Variants in CD58 observed in about 807,000 individuals in gnomAD.
The protein encoded by CD58 is lymphocyte function-associated antigen 3.
In CD58, 14 loss-of-function variants were observed where a neutral mutation model predicts 27.6. The observed-to-expected ratio is 0.51, with a 90% CI of 0.34 to 0.79. CD58 has a LOEUF of 0.79. Among genes scored for constraint, CD58 ranks in the 30% least tolerant of loss-of-function variants. CD58 has a pLI of 0.02. For missense variants in CD58, 268 were observed against 301.7 expected, an observed-to-expected ratio of 0.89 and a Z score of 0.83; for synonymous variants, 117 against 103.8, an observed-to-expected ratio of 1.13 and a Z score of -0.77.
chr1:116,551,502 G>C (rs781383763), intron 1 of CD58, among the ~76,000 whole-genome samples: 2 of 152,184 alleles, frequency 1.3e-5, no homozygotes, highest in East Asian at 3.9e-4. Context: ...TTAGGGTCTT[G>C]CTCTGGATTA....
At chr1:116,518,797 G>A in intron 5 of CD58, 4 of 1,011,576 alleles carry the variant, frequency 4.0e-6, no homozygotes, top group Non-Finnish European at 4.7e-6. Context: ...CTCCTGAAGT[G>A]AACCCTATCC....
chr1:116,514,815 A>G lies in CD58; in HGVS notation c.751T>C (p.Ter251ArgextTer15). 1 of 1,553,162 alleles carries G rather than the reference A, an allele frequency of 6.4e-7. No homozygotes were observed. The highest frequency in any genetic ancestry group is 1.1e-5 in the South Asian group (1 of 87,558). ...DRKPDRTNSN* is the reference protein window; with the variant it reads ...DRKPDRTNSNR ...TTGTCTTCATCTTCTGTTACCAATC[A>G]ATTGGAGCTACAAAAAAAAATCATA... The change falls in exon 6 of 6, where the codon TGA becomes CGA. Residue 251 changes from the stop codon to arginine, a stop_lost. Coordinates refer to ENST00000369489, the MANE Select transcript of CD58 (RefSeq NM_001779.3).
At chr1:116,568,580 A>G (rs1659024066) in intron 1 of CD58, among the ~76,000 whole-genome samples, 1 of 152,216 alleles carries the variant, frequency 6.6e-6, no homozygotes, top group South Asian at 2.1e-4. Context: ...CTCCCTCACT[A>G]TAAGGTGAGC....
At chr1:116,568,820 T>C (rs770180330) in intron 1 of CD58, among the ~76,000 whole-genome samples, 12 of 152,164 alleles carry the variant, frequency 7.9e-5, no homozygotes, top group African/African-American at 1.2e-4. Flanking sequence ...ATGACTCAGG[T>C]GAGGAGTGGG....
In CD58 at chr1:116,531,997, A is replaced by G. The variant is rs1168092785; in HGVS notation, c.628+3968T>C. On this transcript the variant is annotated intron_variant, in intron 3 of 5. Transcript: ENST00000369489. This position sits in a 1 kb window ranked among gnomAD's most constrained non-coding sequence, Gnocchi z 4.5. ...ACAGGATGAATGGTGGGGCCCAGCAATGGGACTACTGAGAAAGCAGGACTT... is the reference window on the plus strand; with the variant it reads ...ACAGGATGAATGGTGGGGCCCAGCAGTGGGACTACTGAGAAAGCAGGACTT... Among the ~76,000 whole-genome samples the G allele has an allele frequency of 2.6e-5, 4 of 152,234 alleles. No individual in the cohort carries two copies. Among genetic ancestry groups the G allele is most frequent in the African/African-American group, 9.6e-5 (4 of 41,460 alleles).
chr1:116,562,808 C>T (rs771141926), intron 1 of CD58, among the ~76,000 whole-genome samples: 1 of 152,116 alleles, frequency 6.6e-6, no homozygotes, highest in Non-Finnish European at 1.5e-5. Context: ...CCTTGACACA[C>T]GGGGATTATT....
intron 1 of CD58, among the ~76,000 whole-genome samples, chr1:116,567,215 A>C: frequency 1.1e-5 from 1 of 93,192 alleles, no homozygotes; most frequent in South Asian, 4.4e-4. Context: ...AGGGACAGGA[A>C]GGGAGGGGGA....
Position 116,519,320 on chromosome 1 carries a change from A to G in CD58, c.707-53T>C. 1 of 1,547,930 alleles carries G rather than the reference A, an allele frequency of 6.5e-7. No homozygotes were observed. Among genetic ancestry groups the G allele is most frequent in the South Asian group, 1.1e-5 (1 of 87,362 alleles). The stretch of plus-strand genomic sequence containing the variant: ...TTAAAGAACTGAAAAGAAAAGGTGA[A>G]ATGTGGAGTTACTGACTGCCTATTA... On this transcript the variant is annotated intron_variant, in intron 4 of 5. Transcript: ENST00000369489. The surrounding 1 kb of genome is among the most constrained non-coding windows in gnomAD (Gnocchi z 4.7).
chr1:116,564,504 T>C (rs1658867719), intron 1 of CD58, among the ~76,000 whole-genome samples: 1 of 152,318 alleles, frequency 6.6e-6, no homozygotes, highest in Middle Eastern at 3.4e-3. Context: ...GGGTAATTTA[T>C]AAAGGAAAGA....
chr1:116,529,650 C>A (rs1657533177), intron 3 of CD58, among the ~76,000 whole-genome samples: 1 of 152,196 alleles, frequency 6.6e-6, no homozygotes, highest in South Asian at 2.1e-4. Flanking sequence ...TAAATACCCA[C>A]ACCACTGGGT....
In CD58 at chr1:116,534,174, C is replaced by T; in HGVS notation, c.628+1791G>A. Reference sequence around the variant, plus strand: ...GGCACTCAGGCCAGTCCTCGGGGAGCACACGCCGCCCATCTGGCTCGCACC... The same window carrying T: ...GGCACTCAGGCCAGTCCTCGGGGAGTACACGCCGCCCATCTGGCTCGCACC... On this transcript the variant is annotated intron_variant, in intron 3 of 5. Coordinates refer to ENST00000369489, the MANE Select transcript of CD58 (RefSeq NM_001779.3). The surrounding 1 kb of genome is among the most constrained non-coding windows in gnomAD (Gnocchi z 5.3). The T allele has an allele frequency of 1.6e-6, 1 of 619,266 alleles. No individual in the cohort carries two copies. The highest frequency in any genetic ancestry group is 1.6e-5 in the South Asian group (1 of 61,536). 38.4% of individuals were successfully genotyped at this position (619,266 alleles called of 1,614,324 possible). A position where few individuals can be genotyped will look rare whatever the true frequency, so the allele number is the denominator to read the frequency against.
At chr1:116,545,945 G>A (rs575093917) in intron 1 of CD58, among the ~76,000 whole-genome samples, 32 of 152,304 alleles carry the variant, frequency 2.1e-4, no homozygotes, top group African/African-American at 7.5e-4. Flanking sequence ...GGGAGGCCAA[G>A]GTGGTTGGAT....
intron 3 of CD58, chr1:116,533,042 T>C: frequency 1.4e-6 from 1 of 726,780 alleles, no homozygotes; most frequent in Non-Finnish European, 2.5e-6. Context: ...GTCCTCTTCT[T>C]CTTCACCTTC....
At chr1:116,542,655 G>A (rs1351189702) in intron 2 of CD58, among the ~76,000 whole-genome samples, 6 of 152,170 alleles carry the variant, frequency 3.9e-5, no homozygotes, top group Non-Finnish European at 5.9e-5. Flanking sequence ...ATCAACTTAT[G>A]GGGGAAATTC....
intron 1 of CD58, among the ~76,000 whole-genome samples, chr1:116,569,139 C>A (rs1368637568): frequency 6.6e-6 from 1 of 152,190 alleles, no homozygotes; most frequent in Non-Finnish European, 1.5e-5. Context: ...GCAGCAGTGA[C>A]CCAAGGTGCC....
chr1:116,560,212 C>A (rs890381689), intron 1 of CD58: 14 of 152,152 alleles, frequency 9.2e-5, no homozygotes, highest in Non-Finnish European at 1.8e-4. Flanking sequence ...GAGAGCACTT[C>A]TTTAGCCTGT....
rs1301274654 is a variant in CD58 at position 116,534,529 on chromosome 1, C to T, written c.628+1436G>A. On this transcript the variant is annotated intron_variant, in intron 3 of 5. Coordinates refer to ENST00000369489, the MANE Select transcript of CD58 (RefSeq NM_001779.3). The surrounding 1 kb of genome is among the most constrained non-coding windows in gnomAD (Gnocchi z 5.3). ...TACGCCTCCTCCGCTGGGCCGCCGG[C>T]GAGGAAGCCGCCCGCAGCGCAGAAC... Among the ~76,000 whole-genome samples the T allele has an allele frequency of 6.6e-6, 1 of 152,168 alleles. No homozygotes were observed. Among genetic ancestry groups the T allele is most frequent in the Non-Finnish European group, 1.5e-5 (1 of 68,020 alleles).
Position 116,570,799 on chromosome 1 carries a change from C to A in CD58, c.70+104G>T. The stretch of plus-strand genomic sequence containing the variant: ...CGGCCCACAGCGACCCGTCCCCACC[C>A]GTCTCTGATCGGCAACCGCCTCGAG... On this transcript the variant is annotated intron_variant, in intron 1 of 5. Coordinates refer to ENST00000369489, the MANE Select transcript of CD58 (RefSeq NM_001779.3). The surrounding 1 kb of genome is among the most constrained non-coding windows in gnomAD (Gnocchi z 6.4). The A allele has an allele frequency of 3.6e-6, 3 of 827,488 alleles. No individual in the cohort carries two copies. The highest frequency in any genetic ancestry group is 5.6e-6 in the Non-Finnish European group (3 of 537,198). 51.3% of individuals were successfully genotyped at this position (827,488 alleles called of 1,614,324 possible).
Position 116,563,879 on chromosome 1 carries a change from A to G in CD58, c.70+7024T>C, listed in dbSNP as rs1658848706. Among the ~76,000 whole-genome samples, 1 of 152,158 alleles carries G rather than the reference A, an allele frequency of 6.6e-6. No individual in the cohort carries two copies. The highest frequency in any genetic ancestry group is 6.5e-5 in the Admixed American group (1 of 15,276). On this transcript the variant is annotated intron_variant, in intron 1 of 5. Transcript: ENST00000369489. This position sits in a 1 kb window ranked among gnomAD's most constrained non-coding sequence, Gnocchi z 4.1. Reference sequence around the variant, plus strand: ...TTTCCCCATTGTCTTCGTGATTAACATTTGGCTCCTCATTACTTAATGCAA... The same window carrying G: ...TTTCCCCATTGTCTTCGTGATTAACGTTTGGCTCCTCATTACTTAATGCAA...
Sources: gnomAD v4.1 joint callset for allele counts (sites outside exome capture counted in the v4.1 genomes callset) on GRCh38, gnomAD v4.1.1 for gene constraint, Gnocchi (gnomAD v3.1) non-coding constraint, MANE v1.5 for transcripts, NCBI Gene and HGNC (gene_info 2026-07-23, HGNC 2026-07-21) for gene names.